Variants in ARHGAP24 observed in about 807,000 individuals in gnomAD.
ARHGAP24 encodes Rho GTPase activating protein 24.
A neutral mutation model predicts 76.4 loss-of-function variants in ARHGAP24; 50 were observed. The observed-to-expected ratio is 0.65, with a 90% confidence interval of 0.52 to 0.83. ARHGAP24 has a LOEUF of 0.83. Ranked by LOEUF, ARHGAP24 falls within the 40% of genes least tolerant of loss-of-function variation. The pLI is 0.00. For missense variants in ARHGAP24, 930 were observed against 914.2 expected (o/e 1.02, Z -0.22); for synonymous variants, 345 against 323.3 (o/e 1.07, Z -0.72).
chr4:85,697,329 C>A lies in ARHGAP24; in HGVS notation c.181-24556C>A, dbSNP rs145165289. ...CATAGTTTGCTGAGAATGATGGTTT[C>A]CAGTTTCATCCATGTCCCCACAAAG... On this transcript the variant is annotated intron_variant, in intron 2 of 9. Coordinates refer to ENST00000395184, the MANE Select transcript of ARHGAP24 (RefSeq NM_001025616.3). Among the ~76,000 whole-genome samples, 6 of 152,174 alleles carry A rather than the reference C, an allele frequency of 3.9e-5. No individual in the cohort carries two copies. The East Asian group carries it at 1.2e-3, about 29-fold the overall frequency.
chr4:85,924,695 C>T (rs1218197059), intron 4 of ARHGAP24: 2 of 151,214 alleles, frequency 1.3e-5, no homozygotes, highest in Non-Finnish European at 2.9e-5. Flanking sequence ...GCTGACTGAC[C>T]ATTTTATATT....
intron 2 of ARHGAP24, among the ~76,000 whole-genome samples, chr4:85,672,452 A>T (rs1190378338): frequency 6.6e-6 from 1 of 151,948 alleles, no homozygotes; most frequent in African/African-American, 2.4e-5. Flanking sequence ...CACTGATAAG[A>T]ATGATTATAT....
chr4:85,643,234 G>GTTTTTTT lies in ARHGAP24; in HGVS notation c.180+72542_180+72548dup, dbSNP rs70948741. 1.3e-4 allele frequency among the ~76,000 whole-genome samples: 7 copies of GTTTTTTT among 54,630 alleles called. 1 individual carries two copies. The highest frequency in any genetic ancestry group is 2.0e-4 in the Non-Finnish European group (6 of 30,192). The allele number at this position is 54,630 out of a possible 152,430, so 35.8% of individuals were successfully genotyped here. A position where few individuals can be genotyped will look rare whatever the true frequency, so the allele number is the denominator to read the frequency against. On this transcript the variant is annotated intron_variant, in intron 2 of 9. Transcript: ENST00000395184. ...TCTTTTTTATTTTCCGTTTTTTTGT[G>GTTTTTTT]TTTTTTTTTTTTTTTTTTTTTTTTT...
At chr4:85,790,827 T>G (rs919001884) in intron 3 of ARHGAP24, among the ~76,000 whole-genome samples, 1 of 152,220 alleles carries the variant, frequency 6.6e-6, no homozygotes, top group African/African-American at 2.4e-5. Flanking sequence ...CTGAGAAATA[T>G]GCTAGTCTAG....
In ARHGAP24 at chr4:85,564,927, T is replaced by TATAC. The variant is rs1363614109; in HGVS notation, c.-20-5592_-20-5591insCATA. Among the ~76,000 whole-genome samples, 97 of 18,504 alleles carry TATAC rather than the reference T, an allele frequency of 5.2e-3. 3 individuals are homozygous for TATAC. The highest frequency in any genetic ancestry group is 0.043 in the Middle Eastern group (2 of 46). The allele number at this position is 18,504 out of a possible 152,430, so 12.1% of individuals were successfully genotyped here. A position where few individuals can be genotyped will look rare whatever the true frequency, so the allele number is the denominator to read the frequency against. On this transcript the variant is annotated intron_variant, in intron 1 of 9. Transcript: ENST00000395184. ...TGCTCTAGGCAGAACACACACGGTA[T>TATAC]ATATATATATATATATATATATATA...
chr4:85,917,482 C>T (rs1283016170), intron 3 of ARHGAP24, among the ~76,000 whole-genome samples: 2 of 151,842 alleles, frequency 1.3e-5, no homozygotes, highest in South Asian at 4.2e-4. Flanking sequence ...CCTGAGGAAT[C>T]GCCACACTGA....
intron 1 of ARHGAP24, among the ~76,000 whole-genome samples, chr4:85,519,136 TCAAA>T (rs1398752817): frequency 3.3e-5 from 5 of 152,160 alleles, no homozygotes; most frequent in African/African-American, 9.7e-5. Context: ...ATAGCCATAA[TCAAA>T]CAATCAAAAA....
chr4:85,681,310 A>C (rs1041185191), intron 2 of ARHGAP24, among the ~76,000 whole-genome samples: 16 of 152,206 alleles, frequency 1.1e-4, no homozygotes, highest in African/African-American at 3.9e-4. Flanking sequence ...CCAAATAAAC[A>C]GAGACTTCTG....
intron 1 of ARHGAP24, among the ~76,000 whole-genome samples, chr4:85,510,787 T>C (rs1208602081): frequency 6.8e-6 from 1 of 146,298 alleles, no homozygotes; most frequent in Non-Finnish European, 1.5e-5. Context: ...CTCCCCCTCC[T>C]CTAGCCCCTC....
chr4:85,853,106 C>T (rs1411398096), intron 3 of ARHGAP24, among the ~76,000 whole-genome samples: 2 of 152,230 alleles, frequency 1.3e-5, no homozygotes, highest in Non-Finnish European at 2.9e-5. Context: ...GGCAGCAAGC[C>T]TTGTGGTGCT....
At chr4:85,899,258 G>A (rs1734362674) in intron 3 of ARHGAP24, among the ~76,000 whole-genome samples, 2 of 152,142 alleles carry the variant, frequency 1.3e-5, no homozygotes, top group African/African-American at 2.4e-5. Context: ...AGCTTGAAAT[G>A]CATTTACAGA....
intron 1 of ARHGAP24, among the ~76,000 whole-genome samples, chr4:85,509,791 G>A (rs953023241): frequency 3.9e-5 from 6 of 151,950 alleles, no homozygotes; most frequent in African/African-American, 1.4e-4. Flanking sequence ...TTCATGTGAT[G>A]TTTAATTATG....
intron 8 of ARHGAP24, 94 bp downstream of exon 8, chr4:85,977,785 A>G: frequency 6.9e-7 from 1 of 1,452,410 alleles, no homozygotes; most frequent in South Asian, 1.2e-5. Context: ...AACCAAGGTA[A>G]TAAGTGAATA....
chr4:85,836,422 C>T (rs1044569366), intron 3 of ARHGAP24, among the ~76,000 whole-genome samples: 6 of 152,294 alleles, frequency 3.9e-5, no homozygotes, highest in East Asian at 1.9e-4. Context: ...GGTCTGTTCT[C>T]GGTCTTTCTC....
chr4:85,895,188 C>T (rs977666367), intron 3 of ARHGAP24, among the ~76,000 whole-genome samples: 2 of 151,720 alleles, frequency 1.3e-5, no homozygotes, highest in Admixed American at 6.6e-5. Context: ...CCACCTGTAC[C>T]CCCAAAAAAC....
intron 8 of ARHGAP24, among the ~76,000 whole-genome samples, chr4:85,994,325 TA>T (rs1484665157): frequency 6.6e-6 from 1 of 152,198 alleles, no homozygotes; most frequent in East Asian, 1.9e-4. Context: ...AATACAGTGA[TA>T]ATAACAGTAT....
At chr4:85,662,066 C>G (rs1025044173) in intron 2 of ARHGAP24, among the ~76,000 whole-genome samples, 12 of 152,144 alleles carry the variant, frequency 7.9e-5, no homozygotes, top group South Asian at 2.1e-4. Context: ...GGTATTTCTA[C>G]TTCTAGATCC....
chr4:85,497,004 A>T (rs1019414972), intron 1 of ARHGAP24, among the ~76,000 whole-genome samples: 8 of 152,264 alleles, frequency 5.3e-5, no homozygotes, highest in African/African-American at 1.9e-4. Context: ...AAGCCGTGTT[A>T]TGAGAATATT....
intron 2 of ARHGAP24, among the ~76,000 whole-genome samples, chr4:85,606,023 C>T (rs937079921): frequency 3.3e-5 from 5 of 152,150 alleles, no homozygotes; most frequent in African/African-American, 1.2e-4. Flanking sequence ...CCCTTCTTCC[C>T]ACTGGAGTTA....
Sources: allele counts gnomAD v4.1 joint callset (sites outside exome capture counted in the v4.1 genomes callset), GRCh38; gene constraint gnomAD v4.1.1; transcripts MANE v1.5; gene names NCBI Gene and HGNC (gene_info 2026-07-23, HGNC 2026-07-21).